CDH8: variants seen among roughly 807,000 people sequenced by gnomAD.
CDH8 encodes cadherin 8.
Under a neutral mutation model 68.1 loss-of-function variants are expected in CDH8, and 17 were observed. The observed-to-expected ratio is 0.25, with a 90% CI of 0.17 to 0.37. CDH8 has a LOEUF of 0.37. Among genes scored for constraint, CDH8 ranks in the 10% least tolerant of loss-of-function variants. The probability of loss-of-function intolerance (pLI) is 1.00; values close to 1 mark genes in which losing one functional copy is unlikely to be tolerated. For synonymous variants in CDH8, 372 were observed against 365.1 expected, an observed-to-expected ratio of 1.02 and a Z score of -0.21; for missense variants, 763 against 999.3, an observed-to-expected ratio of 0.76 and a Z score of 3.19.
At chr16:61,756,906 C>T (rs1960334586) in intron 8 of CDH8, among the ~76,000 whole-genome samples, 1 of 152,122 alleles carries the variant, frequency 6.6e-6, no homozygotes, top group African/African-American at 2.4e-5. Context: ...AATCCTAATC[C>T]AATCATTTCT....
intron 8 of CDH8, among the ~76,000 whole-genome samples, chr16:61,768,870 AAAAT>A (rs1396403217): frequency 6.6e-6 from 1 of 151,904 alleles, no homozygotes; most frequent in Non-Finnish European, 1.5e-5. Context: ...GCTAATTGAG[AAAAT>A]AAATAACTTT....
chr16:61,693,852 T>C (rs1037375320), intron 10 of CDH8: 5 of 152,142 alleles, frequency 3.3e-5, no homozygotes, highest in Non-Finnish European at 7.4e-5. Context: ...TGGACCAACT[T>C]GTACATGTCA....
intron 4 of CDH8, among the ~76,000 whole-genome samples, chr16:61,848,884 A>T (rs546547669): frequency 2.6e-5 from 4 of 152,246 alleles, no homozygotes; most frequent in Middle Eastern, 3.4e-3. Flanking sequence ...AATTTGCCCA[A>T]CAAATATTTA....
intron 4 of CDH8, among the ~76,000 whole-genome samples, chr16:61,855,351 G>A (rs904877197): frequency 2.0e-5 from 3 of 152,006 alleles, no homozygotes; most frequent in Non-Finnish European, 2.9e-5. Flanking sequence ...CTTAGCAGGG[G>A]GCTTTTATTA....
At chr16:61,797,684 T>C (rs1214621857) in intron 7 of CDH8, among the ~76,000 whole-genome samples, 1 of 152,126 alleles carries the variant, frequency 6.6e-6, no homozygotes, top group African/African-American at 2.4e-5. Flanking sequence ...TCATTACTTG[T>C]AGATGACACT....
chr16:61,709,999 T>A (rs1480781578), intron 10 of CDH8, among the ~76,000 whole-genome samples: 2 of 152,120 alleles, frequency 1.3e-5, no homozygotes, highest in African/African-American at 2.4e-5. Context: ...TCTGAAGATT[T>A]AAAGCTTCAA....
At chr16:61,715,159 C>T (rs1964701489) in intron 9 of CDH8, among the ~76,000 whole-genome samples, 2 of 151,464 alleles carry the variant, frequency 1.3e-5, no homozygotes, top group African/African-American at 2.4e-5. Context: ...CATAATCTTA[C>T]TTTGTAAGTG....
At chr16:61,910,652 A>G (rs1964145032) in intron 2 of CDH8, among the ~76,000 whole-genome samples, 1 of 152,156 alleles carries the variant, frequency 6.6e-6, no homozygotes, top group African/African-American at 2.4e-5. Flanking sequence ...TAGATAATAG[A>G]TAATGCTGTT....
chr16:61,749,339 CT>C lies in CDH8; in HGVS notation c.1415-22125del, dbSNP rs1960101489. ...ATCTTGCAAGGGTTTGAAAGATAGG[CT>C]TAATACTTCCTATATTTATATACAG... On this transcript the variant is annotated intron_variant, in intron 8 of 11. Coordinates refer to ENST00000577390, the MANE Select transcript of CDH8 (RefSeq NM_001796.5). 2.0e-5 allele frequency among the ~76,000 whole-genome samples: 3 copies of C among 152,130 alleles called. No individual in the cohort carries two copies. The South Asian group carries it at 6.2e-4, about 32-fold the overall frequency.
rs115543668 is a variant in CDH8, at chr16:61,734,016, T to C, written c.1415-6801A>G. ...CTCTGCCCTCATTTTGATTATTGAA[T>C]ATGTGTAGTGATGTATAAGTACTCT... On this transcript the variant is annotated intron_variant, in intron 8 of 11. Coordinates refer to ENST00000577390, the MANE Select transcript of CDH8 (RefSeq NM_001796.5). Among the ~76,000 whole-genome samples, 188 of 152,206 alleles carry C rather than the reference T, an allele frequency of 1.2e-3. 1 individual carries two copies. Among genetic ancestry groups the C allele is most frequent in the African/African-American group, 4.4e-3 (182 of 41,554 alleles).
chr16:61,921,872 A>T (rs1267204869), intron 2 of CDH8, among the ~76,000 whole-genome samples: 2 of 152,160 alleles, frequency 1.3e-5, no homozygotes, highest in Non-Finnish European at 2.9e-5. Flanking sequence ...TCTACTAAAA[A>T]ATACAAAACT....
intron 2 of CDH8, among the ~76,000 whole-genome samples, chr16:61,971,108 T>C (rs1965333108): frequency 6.6e-6 from 1 of 152,140 alleles, no homozygotes; most frequent in Non-Finnish European, 1.5e-5. Context: ...CCGCAAAACA[T>C]TGCTCTTAAC....
At chr16:61,916,245 G>A (rs1036846273) in intron 2 of CDH8, among the ~76,000 whole-genome samples, 4 of 152,160 alleles carry the variant, frequency 2.6e-5, no homozygotes, top group African/African-American at 9.7e-5. Context: ...CAGGCATTGT[G>A]GCTCATGCCT....
At chr16:62,022,350 G>T (rs1162603706) in intron 1 of CDH8, among the ~76,000 whole-genome samples, 1 of 151,976 alleles carries the variant, frequency 6.6e-6, no homozygotes, top group Non-Finnish European at 1.5e-5. Context: ...ACAGTGTCAG[G>T]GTCCCCATTC....
intron 10 of CDH8, among the ~76,000 whole-genome samples, chr16:61,687,478 T>C (rs1340969065): frequency 1.3e-5 from 2 of 152,004 alleles, no homozygotes; most frequent in Non-Finnish European, 2.9e-5. Flanking sequence ...GGTTTCCTGA[T>C]GCCACAGCCT....
intron 8 of CDH8, among the ~76,000 whole-genome samples, chr16:61,771,486 A>AC (rs1960776569): frequency 6.6e-6 from 1 of 151,554 alleles, no homozygotes; most frequent in Admixed American, 6.6e-5. Context: ...AAAAAAAAAA[A>AC]AAAAAAACTT....
At chr16:61,821,296 G>A (rs1962210011) in intron 5 of CDH8, among the ~76,000 whole-genome samples, 183 bp from the exon 6 acceptor site, 1 of 152,016 alleles carries the variant, frequency 6.6e-6, no homozygotes, top group Admixed American at 6.6e-5. Flanking sequence ...AACTGAATCA[G>A]AGAAAAACAG....
chr16:62,024,612 G>A (rs1479356593), intron 1 of CDH8, among the ~76,000 whole-genome samples: 1 of 152,114 alleles, frequency 6.6e-6, no homozygotes, highest in African/African-American at 2.4e-5. Context: ...ATAGACTCTG[G>A]ACCAATGTTA....
chr16:61,730,903 G>A (rs1959515900), intron 8 of CDH8, among the ~76,000 whole-genome samples: 2 of 151,458 alleles, frequency 1.3e-5, no homozygotes, highest in East Asian at 3.9e-4. Context: ...CTCATTACAT[G>A]ATAGCCTGAG....
Sources: allele counts gnomAD v4.1 joint callset (sites outside exome capture counted in the v4.1 genomes callset), GRCh38; gene constraint gnomAD v4.1.1; transcripts MANE v1.5; gene names NCBI Gene and HGNC (gene_info 2026-07-23, HGNC 2026-07-21).